Variants in MALRD1 observed in about 807,000 individuals in gnomAD.
MALRD1 encodes the protein MAM and LDL receptor class A domain containing 1.
MALRD1 carries 247 observed loss-of-function variants against 242.1 expected under a neutral mutation model. That is an observed-to-expected ratio of 1.02 (90% CI 0.92 to 1.13). MALRD1 has a LOEUF of 1.13. Ranked by LOEUF, MALRD1 falls within the 50% of genes most tolerant of loss-of-function variation. MALRD1 has a pLI of 0.00. For synonymous variants in MALRD1, 995 were observed against 866.6 expected, an observed-to-expected ratio of 1.15 and a Z score of -2.60; for missense variants, 2,989 against 2,533.1, an observed-to-expected ratio of 1.18 and a Z score of -3.86.
At chr10:19,144,259 G>T (rs1376478698) in intron 10 of MALRD1, among the ~76,000 whole-genome samples, 1 of 152,168 alleles carries the variant, frequency 6.6e-6, no homozygotes, top group African/African-American at 2.4e-5. Context: ...CTGGGGAAAA[G>T]TCAGCTCTTG....
chr10:19,405,676 G>A (rs74633264), intron 28 of MALRD1, among the ~76,000 whole-genome samples: 5,196 of 152,138 alleles, frequency 0.034, 106 homozygotes, highest in Non-Finnish European at 0.052. Flanking sequence ...GAGTACAAAA[G>A]GAAAATCAGA....
At chr10:19,561,053 G>T (rs1442437583) in intron 32 of MALRD1, among the ~76,000 whole-genome samples, 1 of 152,056 alleles carries the variant, frequency 6.6e-6, no homozygotes, top group Admixed American at 6.6e-5. Context: ...GACAATTTGG[G>T]AATTGGGCAT....
chr10:19,506,940 A>G (rs1589169309), intron 31 of MALRD1, among the ~76,000 whole-genome samples: 1 of 152,146 alleles, frequency 6.6e-6, no homozygotes, highest in East Asian at 1.9e-4. Flanking sequence ...TCACAGTTCT[A>G]CAGCCTTTAC....
At chr10:19,276,845 G>A (rs1193956964) in intron 19 of MALRD1, among the ~76,000 whole-genome samples, 1 of 151,406 alleles carries the variant, frequency 6.6e-6, no homozygotes, top group Non-Finnish European at 1.5e-5. Flanking sequence ...TGTTGTCATT[G>A]GCTTTCTATT....
chr10:19,203,577 A>G (rs1305497014), intron 14 of MALRD1, among the ~76,000 whole-genome samples, 151 bp from the exon 15 acceptor site: 2 of 152,164 alleles, frequency 1.3e-5, no homozygotes, highest in Non-Finnish European at 2.9e-5. Flanking sequence ...GCAAATGAGA[A>G]AGGATCTTTT....
At chr10:19,330,849 T>G (rs78230877) in intron 23 of MALRD1, among the ~76,000 whole-genome samples, 116 of 150,196 alleles carry the variant, frequency 7.7e-4, no homozygotes, top group Non-Finnish European at 1.3e-3. Flanking sequence ...ATTCCAAAGA[T>G]GTGTACAATT....
chr10:19,124,364 A>G (rs1837176976), intron 6 of MALRD1, among the ~76,000 whole-genome samples, 160 bp from the exon 7 acceptor site: 1 of 152,212 alleles, frequency 6.6e-6, no homozygotes, highest in South Asian at 2.1e-4. Flanking sequence ...AGTTGCTGGT[A>G]CACTCGAAGG....
At chr10:19,627,465 C>T (rs1228402163) in intron 36 of MALRD1, among the ~76,000 whole-genome samples, 10 of 151,896 alleles carry the variant, frequency 6.6e-5, no homozygotes, top group Non-Finnish European at 1.0e-4. Context: ...GGGCCACGTG[C>T]GGTGGCTCAC....
At position 19,450,438 on chromosome 10, in the gene MALRD1, C is replaced by T. The variant is rs748487869; in HGVS notation, c.4977C>T (p.Asp1659=). Residue 1659 remains aspartate, a synonymous_variant, in exon 29 of 40, where the codon GAC becomes GAT. Transcript: ENST00000454679. ...TATTTCAAGGTATCAGAACAAGGGA[C>T]CTGGGAGGAGGAGCTGCAATTGATG... ...EVIFQGIRTR[D]LGGGAAIDDI... The T allele has an allele frequency of 6.5e-7, 1 of 1,550,348 alleles. No individual in the cohort carries two copies. Among genetic ancestry groups the T allele is most frequent in the South Asian group, 1.2e-5 (1 of 83,976 alleles).
chr10:19,403,184 G>T (rs182766630), intron 28 of MALRD1, among the ~76,000 whole-genome samples: 1 of 152,062 alleles, frequency 6.6e-6, no homozygotes, highest in Non-Finnish European at 1.5e-5. Flanking sequence ...GTCTAGTTTT[G>T]TAGTCCTGAT....
intron 36 of MALRD1, among the ~76,000 whole-genome samples, chr10:19,616,585 T>C (rs1316942530): frequency 2.0e-5 from 3 of 152,028 alleles, no homozygotes; most frequent in Non-Finnish European, 2.9e-5. Context: ...TATGCCTTTA[T>C]AATTTAGCAG....
At chr10:19,213,586 A>G (rs1461728352) in intron 18 of MALRD1, among the ~76,000 whole-genome samples, 3 of 152,184 alleles carry the variant, frequency 2.0e-5, no homozygotes, top group Non-Finnish European at 4.4e-5. Flanking sequence ...TACTGTTTCA[A>G]TAAGCATTTT....
chr10:19,676,692 G>A (rs529287050), intron 36 of MALRD1, among the ~76,000 whole-genome samples: 91 of 152,104 alleles, frequency 6.0e-4, no homozygotes, highest in African/African-American at 1.8e-3. Flanking sequence ...TTTTAGTTCC[G>A]GGGTACATGT....
intron 18 of MALRD1, among the ~76,000 whole-genome samples, chr10:19,212,740 C>T (rs997316647): frequency 6.6e-6 from 1 of 152,074 alleles, no homozygotes; most frequent in African/African-American, 2.4e-5. Context: ...TTCTCCACAT[C>T]CAAGCCAGTG....
At chr10:19,468,832 C>G (rs1836354257) in intron 29 of MALRD1, among the ~76,000 whole-genome samples, 1 of 152,072 alleles carries the variant, frequency 6.6e-6, no homozygotes, top group Non-Finnish European at 1.5e-5. Flanking sequence ...GGTTCTGATA[C>G]TAATGTTACC....
intron 29 of MALRD1, among the ~76,000 whole-genome samples, chr10:19,470,002 C>A (rs1836416453): frequency 6.6e-6 from 1 of 151,878 alleles, no homozygotes; most frequent in Admixed American, 6.6e-5. Flanking sequence ...TTTAAATATT[C>A]AATATAGTGT....
chr10:19,551,622 C>G (rs897022566), intron 32 of MALRD1, among the ~76,000 whole-genome samples: 1 of 152,082 alleles, frequency 6.6e-6, no homozygotes, highest in African/African-American at 2.4e-5. Context: ...TTGCCCTGGC[C>G]TGGACTTTGA....
At chr10:19,366,972 G>T (rs1221004492) in intron 26 of MALRD1, among the ~76,000 whole-genome samples, 1 of 151,962 alleles carries the variant, frequency 6.6e-6, no homozygotes, top group African/African-American at 2.4e-5. Context: ...CTTCCAATTT[G>T]CATTTAAAAT....
chr10:19,715,766 C>G (rs778147328), intron 38 of MALRD1, among the ~76,000 whole-genome samples: 2 of 152,112 alleles, frequency 1.3e-5, no homozygotes, highest in Non-Finnish European at 2.9e-5. Flanking sequence ...ACAATCATGG[C>G]GGAAGGCAAA....
Sources: gnomAD v4.1 joint callset for allele counts (sites outside exome capture counted in the v4.1 genomes callset) on GRCh38, gnomAD v4.1.1 for gene constraint, MANE v1.5 for transcripts, NCBI Gene and HGNC (gene_info 2026-07-23, HGNC 2026-07-21) for gene names.